Variants in GLCCI1 observed in about 807,000 individuals in gnomAD.
The protein encoded by GLCCI1 is glucocorticoid induced 1, also known as glucocorticoid-induced transcript 1 protein.
In GLCCI1, 24 loss-of-function variants were observed where a neutral mutation model predicts 52.2. That is an observed-to-expected ratio of 0.46 (90% CI 0.33 to 0.65). The LOEUF is 0.65. Among genes scored for constraint, GLCCI1 ranks in the 30% least tolerant of loss-of-function variants. GLCCI1 has a pLI of 0.02. For synonymous variants in GLCCI1, 310 were observed against 276.5 expected (o/e 1.12, Z -1.20); for missense variants, 704 against 701.5 (o/e 1.00, Z -0.04).
chr7:7,988,854 C>A (rs959243968), intron 1 of GLCCI1, among the ~76,000 whole-genome samples: 4 of 152,150 alleles, frequency 2.6e-5, no homozygotes, highest in Non-Finnish European at 4.4e-5. Flanking sequence ...ATTTCTGGCC[C>A]CCTTTGCAGT....
intron 6 of GLCCI1, among the ~76,000 whole-genome samples, chr7:8,082,337 T>C (rs1278684930): frequency 1.3e-5 from 2 of 152,142 alleles, no homozygotes; most frequent in Non-Finnish European, 2.9e-5. Flanking sequence ...TCACAGAATT[T>C]TAGAGTTCAT....
chr7:8,086,079 C>G lies in GLCCI1; in HGVS notation c.1299-114C>G. 5.8e-6 allele frequency: 5 copies of G among 857,902 alleles called. No individual in the cohort carries two copies. In the South Asian group the frequency reaches 8.4e-5, roughly 14 times the overall value. The allele number at this position is 857,902 out of a possible 1,614,324, so 53.1% of individuals were successfully genotyped here. On this transcript the variant is annotated intron_variant, in intron 7 of 7. Transcript: ENST00000223145. The surrounding 1 kb of genome is among the most constrained non-coding windows in gnomAD (Gnocchi z 4.4). ...TGTTTACCCCTCTGTATACACTTAA[C>G]CCATCTCCTGCCATTTACATTTTAG...
At chr7:8,065,511 C>G (rs948020786) in intron 5 of GLCCI1, among the ~76,000 whole-genome samples, 1 of 152,088 alleles carries the variant, frequency 6.6e-6, no homozygotes, top group African/African-American at 2.4e-5. Flanking sequence ...CAGTTTTTGC[C>G]CATTCAGTAT....
At chr7:8,071,465 T>C (rs1782760586) in intron 6 of GLCCI1, among the ~76,000 whole-genome samples, 1 of 152,214 alleles carries the variant, frequency 6.6e-6, no homozygotes, top group Admixed American at 6.5e-5. Flanking sequence ...AGCTTTACCA[T>C]GGTAAAATCA....
In GLCCI1 at chr7:8,016,587, G is replaced by C. The variant is rs538849988; in HGVS notation, c.610-5896G>C. 2.4e-3 allele frequency among the ~76,000 whole-genome samples: 370 copies of C among 152,282 alleles called. 3 individuals carry two copies. The highest frequency in any genetic ancestry group is 6.8e-3 in the Middle Eastern group (2 of 294). On this transcript the variant is annotated intron_variant, in intron 2 of 7. Transcript: ENST00000223145. ...TTAAGGTATACTGTTTTGTATAAAT[G>C]AATGAATAAATGAATGATTGATATG...
chr7:8,081,062 A>G (rs1449231907), intron 6 of GLCCI1, among the ~76,000 whole-genome samples: 1 of 152,166 alleles, frequency 6.6e-6, no homozygotes, highest in East Asian at 1.9e-4. Flanking sequence ...GAGGGATCAG[A>G]CTTACCCTAT....
intron 1 of GLCCI1, among the ~76,000 whole-genome samples, chr7:7,972,045 A>C (rs1780365052): frequency 6.6e-6 from 1 of 152,188 alleles, no homozygotes; most frequent in Admixed American, 6.5e-5. Flanking sequence ...CACTACCCAA[A>C]TTAAAACTGT....
chr7:8,061,994 G>T (rs1374454839), intron 5 of GLCCI1, among the ~76,000 whole-genome samples: 4 of 152,072 alleles, frequency 2.6e-5, no homozygotes, highest in Non-Finnish European at 5.9e-5. Flanking sequence ...TATGCATTAA[G>T]TGAAGTTTAA....
At chr7:7,985,045 C>T (rs1780694852) in intron 1 of GLCCI1, among the ~76,000 whole-genome samples, 1 of 152,202 alleles carries the variant, frequency 6.6e-6, no homozygotes, top group Admixed American at 6.5e-5. Flanking sequence ...CCAAGAAAAA[C>T]TTTCACAAAA....
Position 8,086,511 on chromosome 7 carries a change from C to G in GLCCI1, c.1617C>G (p.Ile539Met). The G allele has an allele frequency of 6.2e-7, 1 of 1,612,262 alleles. No homozygotes were observed. The highest frequency in any genetic ancestry group is 8.5e-7 in the Non-Finnish European group (1 of 1,179,256). Residue 539 changes from isoleucine (I) to methionine (M), a missense_variant, in exon 8 of 8, where the codon ATC becomes ATG. Coordinates refer to ENST00000223145, the MANE Select transcript of GLCCI1 (RefSeq NM_138426.4). This position sits in a 1 kb window ranked among gnomAD's most constrained non-coding sequence, Gnocchi z 4.4. ...LLQELQGEDHISAQNYVII is the reference protein window; with the variant it reads ...LLQELQGEDHMSAQNYVII Reference sequence around the variant, plus strand: ...AGGAACTGCAGGGTGAGGACCACATCTCTGCTCAGAACTATGTGATCATCT... The same window carrying G: ...AGGAACTGCAGGGTGAGGACCACATGTCTGCTCAGAACTATGTGATCATCT...
chr7:8,039,594 G>A (rs1467204406), intron 3 of GLCCI1, among the ~76,000 whole-genome samples: 2 of 152,142 alleles, frequency 1.3e-5, no homozygotes, highest in African/African-American at 4.8e-5. Context: ...ATGTATACAT[G>A]GACATAGAGA....
At chr7:8,061,144 G>C (rs1393689461) in intron 5 of GLCCI1, among the ~76,000 whole-genome samples, 2 of 149,380 alleles carry the variant, frequency 1.3e-5, no homozygotes, top group Admixed American at 1.3e-4. Context: ...CTTTCACCCA[G>C]GCTGGAGTGC....
intron 2 of GLCCI1, among the ~76,000 whole-genome samples, chr7:8,020,495 G>C (rs1407612732): frequency 6.6e-6 from 1 of 152,184 alleles, no homozygotes; most frequent in Non-Finnish European, 1.5e-5. Flanking sequence ...TGTGAGATAA[G>C]AGAACTCAGA....
intron 6 of GLCCI1, among the ~76,000 whole-genome samples, chr7:8,071,592 A>C (rs1584019897): frequency 6.6e-6 from 1 of 152,230 alleles, no homozygotes; most frequent in African/African-American, 2.4e-5. Context: ...GAGTATCTAC[A>C]GGACATCAGG....
chr7:8,065,607 A>G (rs1782615267), intron 5 of GLCCI1, among the ~76,000 whole-genome samples: 1 of 152,214 alleles, frequency 6.6e-6, no homozygotes, highest in South Asian at 2.1e-4. Flanking sequence ...GGTTTTTAAC[A>G]TGAAGGGATG....
chr7:8,032,474 G>C (rs1781776435), intron 3 of GLCCI1, among the ~76,000 whole-genome samples: 1 of 151,940 alleles, frequency 6.6e-6, no homozygotes, highest in East Asian at 1.9e-4. Context: ...AGTTTGCAGA[G>C]ATCACTAAAG....
intron 3 of GLCCI1, among the ~76,000 whole-genome samples, chr7:8,042,027 C>T (rs1562439309): frequency 6.6e-6 from 1 of 152,182 alleles, no homozygotes; most frequent in Admixed American, 6.5e-5. Context: ...CATCTATTTA[C>T]AACATGGTTT....
chr7:7,991,412 T>G (rs1780836657), intron 1 of GLCCI1, among the ~76,000 whole-genome samples: 1 of 152,108 alleles, frequency 6.6e-6, no homozygotes, highest in South Asian at 2.1e-4. Context: ...CAGATAATTT[T>G]CCAAGGAAGG....
intron 1 of GLCCI1, among the ~76,000 whole-genome samples, chr7:7,978,961 TGTAA>T (rs751274751): frequency 6.6e-6 from 1 of 152,216 alleles, no homozygotes; most frequent in Non-Finnish European, 1.5e-5. Context: ...TTCGAAGTTT[TGTAA>T]GTGTCATTTT....
Sources: gnomAD v4.1 joint callset for allele counts (sites outside exome capture counted in the v4.1 genomes callset) on GRCh38, gnomAD v4.1.1 for gene constraint, Gnocchi (gnomAD v3.1) non-coding constraint, MANE v1.5 for transcripts, NCBI Gene and HGNC (gene_info 2026-07-23, HGNC 2026-07-21) for gene names.